The following TBC1D8 variants were observed in gnomAD, a reference collection of about 807,000 sequenced individuals.
TBC1D8 encodes BUB2-like protein 1.
Under a neutral mutation model 118.8 loss-of-function variants are expected in TBC1D8, and 65 were observed. The ratio of observed to expected loss-of-function variants is 0.55; its 90% confidence interval spans 0.45 to 0.67. The LOEUF (loss-of-function observed/expected upper bound fraction) is 0.67. TBC1D8 is among the 30% of genes least tolerant of loss of function. The pLI is 0.00. For missense variants in TBC1D8, 1,376 were observed against 1,471.2 expected (o/e 0.94, Z 1.06); for synonymous variants, 566 against 595.8 (o/e 0.95, Z 0.73).
At chr2:101,084,663 T>C (rs1222017254) in intron 2 of TBC1D8, among the ~76,000 whole-genome samples, 1 of 152,172 alleles carries the variant, frequency 6.6e-6, no homozygotes, top group Non-Finnish European at 1.5e-5. Context: ...CTGTTATTCA[T>C]GTTGCTATCT....
At chr2:101,107,740 G>A (rs1677317160) in intron 1 of TBC1D8, among the ~76,000 whole-genome samples, 1 of 152,140 alleles carries the variant, frequency 6.6e-6, no homozygotes, top group Admixed American at 6.6e-5. Context: ...TACAAGATGA[G>A]CCTGGAACCA....
chr2:101,145,373 T>C (rs1679278877), intron 1 of TBC1D8, among the ~76,000 whole-genome samples: 1 of 152,362 alleles, frequency 6.6e-6, no homozygotes, highest in South Asian at 2.1e-4. Flanking sequence ...TTCCCTATTA[T>C]GCTTTTAAGA....
At position 101,056,207 on chromosome 2, in the gene TBC1D8, A is replaced by T. The variant is rs1008974120; in HGVS notation, c.403-1871T>A. 9.6e-4 allele frequency among the ~76,000 whole-genome samples: 134 copies of T among 140,256 alleles called. 1 individual carries two copies. In the East Asian group the frequency reaches 0.01, roughly 11 times the overall value. 92.0% of individuals were successfully genotyped at this position (140,256 alleles called of 152,430 possible). A position where few individuals can be genotyped will look rare whatever the true frequency, so the allele number is the denominator to read the frequency against. On this transcript the variant is annotated intron_variant, in intron 3 of 19. Transcript: ENST00000409318. ...AATGTAATGTAAAATTATTATTATT[A>T]TTTTTTTTTTTTTTTTGAGACAGTC...
intron 14 of TBC1D8, 88 bp from the exon 15 acceptor site, chr2:101,027,539 G>A: frequency 3.4e-6 from 4 of 1,170,524 alleles, no homozygotes; most frequent in Non-Finnish European, 5.1e-6. Flanking sequence ...CTCCTGAAGG[G>A]GACACAAGGA....
chr2:101,074,206 A>G (rs1238154259), intron 2 of TBC1D8, among the ~76,000 whole-genome samples: 1 of 152,234 alleles, frequency 6.6e-6, no homozygotes, highest in Non-Finnish European at 1.5e-5. Context: ...GTGTCTCAGG[A>G]AATAGGGATG....
At chr2:101,028,279 G>A (rs1427197053) in intron 13 of TBC1D8, 24 bp downstream of exon 13, 1 of 1,599,880 alleles carries the variant, frequency 6.3e-7, no homozygotes, top group Non-Finnish European at 8.5e-7. Flanking sequence ...CTGCAACGGG[G>A]CATGGGGCGG....
Position 101,037,624 on chromosome 2 carries a change from C to T in TBC1D8, c.1360G>A (p.Glu454Lys), listed in dbSNP as rs1311778987. 1.2e-6 allele frequency: 2 copies of T among 1,613,830 alleles called. No individual in the cohort carries two copies. The highest frequency in any genetic ancestry group is 1.3e-5 in the African/African-American group (1 of 74,916). ...AGCGGGCTCTTCTCTTTCTCACTCT[C>T]CTCGCTATTTTGAGAAGACATCATT... ...LEMMSSQNSE[E>K]SEKEKSPLMH... Residue 454 changes from glutamate to lysine, a missense_variant, in exon 8 of 20, where the codon GAG (glutamate) becomes AAG (lysine). By Grantham distance (56) the Glu-to-Lys change is moderately conservative. Coordinates refer to ENST00000409318, the MANE Select transcript of TBC1D8 (RefSeq NM_001330348.2).
At chr2:101,016,132 A>G (rs1487968649) in intron 17 of TBC1D8, among the ~76,000 whole-genome samples, 5 of 152,248 alleles carry the variant, frequency 3.3e-5, no homozygotes, top group Non-Finnish European at 7.3e-5. Flanking sequence ...CAGAGTGAAC[A>G]CGCAATCTTC....
intron 2 of TBC1D8, among the ~76,000 whole-genome samples, chr2:101,089,225 C>T (rs1675847658): frequency 6.6e-6 from 1 of 151,832 alleles, no homozygotes; most frequent in Non-Finnish European, 1.5e-5. Context: ...TTAAATCTTG[C>T]TAGAGAACAT....
chr2:101,042,060 A>C (rs1005964295), intron 5 of TBC1D8, among the ~76,000 whole-genome samples: 1 of 152,198 alleles, frequency 6.6e-6, no homozygotes, highest in South Asian at 2.1e-4. Flanking sequence ...TCTGACACAC[A>C]GTAAGTAATC....
intron 1 of TBC1D8, among the ~76,000 whole-genome samples, chr2:101,091,666 A>G (rs553307011): frequency 3.3e-5 from 5 of 152,328 alleles, no homozygotes; most frequent in Non-Finnish European, 7.4e-5. Context: ...TCGAGGCTGC[A>G]GTGAGTAGTG....
chr2:101,118,388 T>C (rs192480851), intron 1 of TBC1D8, among the ~76,000 whole-genome samples: 14 of 152,244 alleles, frequency 9.2e-5, no homozygotes, highest in Non-Finnish European at 1.9e-4. Flanking sequence ...ATCTTCTATC[T>C]AGAAAAGCCT....
At chr2:101,018,606 A>G (rs1311542196) in intron 17 of TBC1D8, among the ~76,000 whole-genome samples, 6 of 152,230 alleles carry the variant, frequency 3.9e-5, no homozygotes, top group Non-Finnish European at 7.3e-5. Context: ...TCAGGCTGGC[A>G]GGCAAACATT....
At chr2:101,146,154 G>A (rs1679309290) in intron 1 of TBC1D8, among the ~76,000 whole-genome samples, 1 of 152,124 alleles carries the variant, frequency 6.6e-6, no homozygotes, top group Admixed American at 6.5e-5. Context: ...CTAACCCTCC[G>A]AAGTAAGATT....
At position 101,027,493 on chromosome 2, in the gene TBC1D8, T is replaced by G. The variant is rs750952532; in HGVS notation, c.2452-42A>C. The stretch of plus-strand genomic sequence containing the variant: ...ACAGCAATGGCGTGAAATCTAGGCC[T>G]GCACCCCCAGGGGTCAGGGCAAGAG... On this transcript the variant is annotated intron_variant, in intron 14 of 19. Coordinates refer to ENST00000409318, the MANE Select transcript of TBC1D8 (RefSeq NM_001330348.2). 2.5e-6 allele frequency: 4 copies of G among 1,595,512 alleles called. No individual in the cohort carries two copies. The South Asian group carries it at 3.3e-5, about 13-fold the overall frequency.
At chr2:101,094,214 T>C (rs953986583) in intron 1 of TBC1D8, among the ~76,000 whole-genome samples, 2 of 152,206 alleles carry the variant, frequency 1.3e-5, no homozygotes, top group African/African-American at 2.4e-5. Context: ...CCTTCCTAGT[T>C]TGCTCCTAAG....
At chr2:101,138,049 G>A (rs186339275) in intron 1 of TBC1D8, among the ~76,000 whole-genome samples, 1 of 152,190 alleles carries the variant, frequency 6.6e-6, no homozygotes, top group Non-Finnish European at 1.5e-5. Context: ...GTGAGAGCAG[G>A]CATCTTCATA....
intron 19 of TBC1D8, among the ~76,000 whole-genome samples, chr2:101,009,108 G>A (rs1210021071): frequency 1.3e-5 from 2 of 151,870 alleles, no homozygotes; most frequent in Admixed American, 1.3e-4. Flanking sequence ...AAATGGTTGG[G>A]TATGGCCGGG....
intron 2 of TBC1D8, among the ~76,000 whole-genome samples, chr2:101,064,482 A>C (rs1355815648): frequency 6.6e-6 from 1 of 152,210 alleles, no homozygotes; most frequent in Non-Finnish European, 1.5e-5. Context: ...CAGCTGTCTA[A>C]AACCAAAATT....
Sources: gnomAD v4.1 joint callset for allele counts (sites outside exome capture counted in the v4.1 genomes callset) on GRCh38, gnomAD v4.1.1 for gene constraint, MANE v1.5 for transcripts, NCBI Gene and HGNC (gene_info 2026-07-23, HGNC 2026-07-21) for gene names.